Variants in STK3 observed in about 807,000 individuals in gnomAD.
The protein encoded by STK3 is serine/threonine kinase 3.
Under a neutral mutation model 58.0 loss-of-function variants are expected in STK3, and 41 were observed. The observed-to-expected ratio is 0.71, with a 90% CI of 0.55 to 0.92. STK3 has a LOEUF of 0.92. Among genes scored for constraint, STK3 ranks in the 40% least tolerant of loss-of-function variants. STK3 has a pLI of 0.00. For missense variants in STK3, 479 were observed against 602.7 expected (o/e 0.79, Z 2.15); for synonymous variants, 170 against 191.0 (o/e 0.89, Z 0.91).
chr8:98,528,024 C>T (rs941057615), intron 9 of STK3, among the ~76,000 whole-genome samples: 85 of 152,294 alleles, frequency 5.6e-4, no homozygotes, highest in African/African-American at 1.8e-3. Context: ...AGACTCCTCC[C>T]TTCCCACCAT....
intron 3 of STK3, among the ~76,000 whole-genome samples, chr8:98,423,086 T>C (rs1265553407): frequency 2.0e-5 from 3 of 152,168 alleles, no homozygotes; most frequent in Admixed American, 1.3e-4. Context: ...TCCCTCCCCA[T>C]CCAGTTCCCT....
At position 98,718,325 on chromosome 8, in the gene STK3, G is replaced by C. The variant is rs575660889; in HGVS notation, c.352-11014C>G. Among the ~76,000 whole-genome samples, 279 of 152,302 alleles carry C rather than the reference G, an allele frequency of 1.8e-3. 2 individuals carry two copies. The highest frequency in any genetic ancestry group is 3.4e-4 in the Non-Finnish European group (23 of 68,016). On this transcript the variant is annotated intron_variant, in intron 4 of 10. Transcript: ENST00000419617. ...AAGAAGGCTGAAGTTTAATGCACCA[G>C]AAGACTAGCTCTAGATGAGATCTGA...
the STK3 span, among the ~76,000 whole-genome samples, chr8:98,350,226 G>A: frequency 6.6e-6 from 1 of 151,994 alleles, no homozygotes; most frequent in South Asian, 2.1e-4. Context: ...TCTAGGGCAG[G>A]GGCAAAATGC....
chr8:98,728,112 T>C (rs72666689), intron 4 of STK3, among the ~76,000 whole-genome samples: 5,506 of 152,230 alleles, frequency 0.036, 117 homozygotes, highest in South Asian at 0.061. Flanking sequence ...ACACATTAAA[T>C]TGGGGCTCCC....
At chr8:98,711,421 A>C (rs1028112441) in intron 4 of STK3, among the ~76,000 whole-genome samples, 3 of 152,172 alleles carry the variant, frequency 2.0e-5, no homozygotes, top group Admixed American at 1.3e-4. Context: ...AGAATAACCA[A>C]TGCAGAGAAG....
intron 3 of STK3, among the ~76,000 whole-genome samples, chr8:98,858,665 G>A (rs1367283755): frequency 6.6e-6 from 1 of 151,748 alleles, no homozygotes; most frequent in Non-Finnish European, 1.5e-5. Flanking sequence ...AGGCCAAGGC[G>A]GGTGGATCAA....
At chr8:98,692,451 AAC>A (rs200415762) in intron 6 of STK3, among the ~76,000 whole-genome samples, 2,593 of 152,070 alleles carry the variant, frequency 0.017, 30 homozygotes, top group South Asian at 0.032. Flanking sequence ...GGCTACATAA[AAC>A]ACACACACAC....
chr8:98,350,707 G>T, the STK3 span, among the ~76,000 whole-genome samples: 9 of 152,330 alleles, frequency 5.9e-5, no homozygotes, highest in African/African-American at 2.2e-4. Context: ...AGAGCCAAAT[G>T]AAAGGGATTT....
chr8:98,380,448 GTGA>G (rs1817720582), intron 1 of STK3, among the ~76,000 whole-genome samples: 1 of 152,078 alleles, frequency 6.6e-6, no homozygotes, highest in South Asian at 2.1e-4. Context: ...GGACACTCAA[GTGA>G]TGTTCAGCGT....
chr8:98,477,730 G>GGT (rs1821486583), intron 10 of STK3, among the ~76,000 whole-genome samples: 1 of 105,902 alleles, frequency 9.4e-6, no homozygotes, highest in Non-Finnish European at 2.0e-5. Flanking sequence ...GCGGGGGGGG[G>GGT]CCCTAATGAA....
At chr8:98,790,848 G>A (rs1832759073) in intron 1 of STK3, among the ~76,000 whole-genome samples, 1 of 152,174 alleles carries the variant, frequency 6.6e-6, no homozygotes, top group Admixed American at 6.5e-5. Flanking sequence ...GTTGGGCATG[G>A]TGGCAGGCGC....
intron 3 of STK3, among the ~76,000 whole-genome samples, chr8:98,433,426 C>T (rs1219002149): frequency 6.6e-6 from 1 of 152,140 alleles, no homozygotes; most frequent in Non-Finnish European, 1.5e-5. Flanking sequence ...CTTGGCATTA[C>T]TTAAAATAGA....
At chr8:98,482,511 G>A (rs983665308) in intron 10 of STK3, among the ~76,000 whole-genome samples, 9 of 152,254 alleles carry the variant, frequency 5.9e-5, no homozygotes, top group South Asian at 2.1e-4. Flanking sequence ...ATGTTTTCTC[G>A]CATTTAGGTA....
intron 6 of STK3, chr8:98,633,458 G>T: frequency 1.8e-6 from 1 of 566,292 alleles, no homozygotes. Context: ...TATTAAATCA[G>T]TTGGTACTGA....
At chr8:98,544,214 C>CA (rs1228513009) in intron 9 of STK3, among the ~76,000 whole-genome samples, 5 of 152,154 alleles carry the variant, frequency 3.3e-5, no homozygotes, top group African/African-American at 1.2e-4. Context: ...AGAGGGCTCT[C>CA]ATGATAGCAT....
At chr8:98,734,606 A>C (rs1212405433) in intron 4 of STK3, among the ~76,000 whole-genome samples, 1 of 152,206 alleles carries the variant, frequency 6.6e-6, no homozygotes, top group African/African-American at 2.4e-5. Context: ...GAAAGCCTCT[A>C]ATCAAAAATC....
intron 6 of STK3, among the ~76,000 whole-genome samples, chr8:98,666,443 C>T (rs1822376217): frequency 2.0e-5 from 3 of 152,120 alleles, no homozygotes; most frequent in Admixed American, 2.0e-4. Flanking sequence ...GTTCTATATA[C>T]AGTTATACCT....
chr8:98,905,329 G>A (rs1334135280), intron 1 of STK3: 2 of 904,270 alleles, frequency 2.2e-6, no homozygotes, highest in Non-Finnish European at 3.7e-6. Flanking sequence ...AAGTGTATGA[G>A]GACATAATCT....
chr8:98,926,990 G>T (rs1429515937), intron 1 of STK3, among the ~76,000 whole-genome samples: 2 of 152,212 alleles, frequency 1.3e-5, no homozygotes, highest in African/African-American at 4.8e-5. Flanking sequence ...AAGGGCCACA[G>T]CCAGGCAAAA....
Sources: allele counts gnomAD v4.1 joint callset (sites outside exome capture counted in the v4.1 genomes callset), GRCh38; gene constraint gnomAD v4.1.1; transcripts MANE v1.5; gene names NCBI Gene and HGNC (gene_info 2026-07-23, HGNC 2026-07-21).